DUSP22: variants seen among roughly 807,000 people sequenced by gnomAD.
The protein encoded by DUSP22 is dual specificity protein phosphatase 22.
Under a neutral mutation model 24.5 loss-of-function variants are expected in DUSP22, and 24 were observed. That is an observed-to-expected ratio of 0.98 (90% confidence interval 0.71 to 1.38). DUSP22 has a LOEUF of 1.38. Ranked by LOEUF, DUSP22 falls within the 40% of genes most tolerant of loss-of-function variation. The probability of loss-of-function intolerance (pLI) is 0.00; values close to 1 mark genes in which losing one functional copy is unlikely to be tolerated. For missense variants in DUSP22, 330 were observed against 269.2 expected (o/e 1.23, Z -1.58); for synonymous variants, 160 against 106.4 (o/e 1.50, Z -3.10).
chr6:319,618 G>T (rs1401849307), intron 3 of DUSP22, among the ~76,000 whole-genome samples: 2 of 152,304 alleles, frequency 1.3e-5, no homozygotes, highest in Admixed American at 1.3e-4. Flanking sequence ...TCCCATTTGC[G>T]TTGGCCATTG....
chr6:297,835 A>AT (rs1244457106), intron 1 of DUSP22, among the ~76,000 whole-genome samples: 1 of 152,302 alleles, frequency 6.6e-6, no homozygotes, highest in African/African-American at 2.4e-5. Flanking sequence ...TGCTAAATCC[A>AT]TTTTTTCCAC....
intron 4 of DUSP22, among the ~76,000 whole-genome samples, chr6:337,338 G>A (rs542397375): frequency 8.4e-4 from 128 of 152,380 alleles, no homozygotes; most frequent in African/African-American, 2.9e-3. Flanking sequence ...TGTATGTGAA[G>A]GTGTTTTCTG....
Position 351,021 on chromosome 6 carries a change from G to A in DUSP22, c.*2070G>A, listed in dbSNP as rs1760186952. 1.8e-6 allele frequency: 2 copies of A among 1,129,764 alleles called. No individual in the cohort carries two copies. Among genetic ancestry groups the A allele is most frequent in the African/African-American group, 1.6e-5 (1 of 64,512 alleles). 70.0% of individuals were successfully genotyped at this position (1,129,764 alleles called of 1,614,324 possible). ...ATATACGTAGTCATGTTTATGTTGAGAACTAAGGATATTCTTTAGCAAGAG... is the reference window on the plus strand; with the variant it reads ...ATATACGTAGTCATGTTTATGTTGAAAACTAAGGATATTCTTTAGCAAGAG... On this transcript the variant is annotated 3_prime_UTR_variant, in exon 7 of 7. Transcript: ENST00000419235.
In DUSP22 at chr6:348,168, G is replaced by A. The variant is rs1759978117; in HGVS notation, c.329G>A (p.Gly110Asp). Residue 110 changes from glycine to aspartate, a missense_variant, in exon 6 of 7, where the codon GGC becomes GAC. By Grantham distance (94) the Gly-to-Asp change is moderately conservative. Transcript: ENST00000419235. ...TACATCATGACCGTCACTGACTTTG[G>A]CTGGGAGGATGCCCTGCACACCGTG... ...IAYIMTVTDF[G>D]WEDALHTVRA... 6.2e-7 allele frequency: 1 copy of A among 1,614,304 alleles called. No individual in the cohort carries two copies. The highest frequency in any genetic ancestry group is 8.5e-7 in the Non-Finnish European group (1 of 1,180,060).
intron 2 of DUSP22, among the ~76,000 whole-genome samples, chr6:306,206 T>C (rs529947492): frequency 6.6e-6 from 1 of 152,424 alleles, no homozygotes; most frequent in African/African-American, 2.4e-5. Flanking sequence ...AGGGAGTGTC[T>C]TTGAGAACAG....
chr6:307,338 C>T (rs1002149715), intron 2 of DUSP22, among the ~76,000 whole-genome samples: 1 of 152,300 alleles, frequency 6.6e-6, no homozygotes, highest in Non-Finnish European at 1.5e-5. Context: ...CCCTCCCTCC[C>T]TTCCTTCTCC....
intron 3 of DUSP22, among the ~76,000 whole-genome samples, chr6:329,173 T>C (rs1242555658): frequency 6.6e-6 from 1 of 152,428 alleles, no homozygotes; most frequent in East Asian, 1.9e-4. Context: ...GGTTCCTGAT[T>C]GCCATCTCCT....
chr6:311,628 C>G (rs577403887), intron 2 of DUSP22, among the ~76,000 whole-genome samples: 1 of 152,180 alleles, frequency 6.6e-6, no homozygotes, highest in Non-Finnish European at 1.5e-5. Context: ...TGCAGTGAGC[C>G]GAGATGGCGC....
In DUSP22 at chr6:292,490, G is replaced by C. The variant is rs532521739; in HGVS notation, c.-50G>C. The C allele has an allele frequency of 1.9e-6, 3 of 1,598,108 alleles. No individual in the cohort carries two copies. Among genetic ancestry groups the C allele is most frequent in the South Asian group, 1.1e-5 (1 of 89,688 alleles). On this transcript the variant is annotated 5_prime_UTR_variant, in exon 1 of 7. Coordinates refer to ENST00000419235, the MANE Select transcript of DUSP22 (RefSeq NM_001286555.3). ...CTCCTCCTCCCTGTAACATGCCATA[G>C]TGCGCCTGCGACCACACGGCCGGGG... is the stretch of plus-strand genomic sequence containing the variant.
intron 3 of DUSP22, among the ~76,000 whole-genome samples, chr6:330,596 C>A (rs1401708394): frequency 1.3e-5 from 2 of 152,304 alleles, no homozygotes; most frequent in Non-Finnish European, 2.9e-5. Flanking sequence ...TAGTTTCAGG[C>A]CCAAAGAAAG....
At chr6:330,166 G>A (rs543363657) in intron 3 of DUSP22, among the ~76,000 whole-genome samples, 23 of 152,416 alleles carry the variant, frequency 1.5e-4, no homozygotes, top group African/African-American at 3.8e-4. Flanking sequence ...CACTGCTGCC[G>A]CACAGGCTGA....
At chr6:296,436 G>A (rs140879901) in intron 1 of DUSP22, among the ~76,000 whole-genome samples, 2,218 of 151,598 alleles carry the variant, frequency 0.015, 1 homozygote, top group African/African-American at 0.051. Flanking sequence ...AGTCTGGCTC[G>A]GCCACAATGC....
At chr6:293,417 A>T (rs564319916) in intron 1 of DUSP22, among the ~76,000 whole-genome samples, 4 of 152,290 alleles carry the variant, frequency 2.6e-5, no homozygotes, top group Non-Finnish European at 5.9e-5. Context: ...AAGACTTTAC[A>T]AAGCCCGCAA....
At chr6:344,725 G>A (rs1304983846) in intron 4 of DUSP22, among the ~76,000 whole-genome samples, 1 of 152,304 alleles carries the variant, frequency 6.6e-6, no homozygotes, top group African/African-American at 2.4e-5. Context: ...TGGCAAAGAG[G>A]GATTGGAGCC....
chr6:349,283 A>G lies in DUSP22; in HGVS notation c.*332A>G. The stretch of plus-strand genomic sequence containing the variant: ...TGCCTGTGTGAGTGAGGGTATGTGC[A>G]CCTAAGTGTGTACATGTGTGTATGT... On this transcript the variant is annotated 3_prime_UTR_variant, in exon 7 of 7. Coordinates refer to ENST00000419235, the MANE Select transcript of DUSP22 (RefSeq NM_001286555.3). 1 of 1,283,060 alleles carries G rather than the reference A, an allele frequency of 7.8e-7. No individual in the cohort carries two copies. The highest frequency in any genetic ancestry group is 9.9e-7 in the Non-Finnish European group (1 of 1,006,996). 79.5% of individuals were successfully genotyped at this position (1,283,060 alleles called of 1,614,324 possible).
chr6:346,643 G>A (rs1310268930), intron 5 of DUSP22, among the ~76,000 whole-genome samples: 1 of 152,312 alleles, frequency 6.6e-6, no homozygotes, highest in African/African-American at 2.4e-5. Flanking sequence ...AGGAGCCAAG[G>A]CTCTGTTGTC....
rs1757741179 is a variant in DUSP22, at chr6:304,659, A to G, written c.53A>G (p.Lys18Arg). 5 of 1,614,114 alleles carry G rather than the reference A, an allele frequency of 3.1e-6. No individual in the cohort carries two copies. The highest frequency in any genetic ancestry group is 1.7e-5 in the Admixed American group (1 of 60,018). The part of the protein sequence containing the change: ...ILPGLYIGNF[K>R]DARDAEQLSK... Reference sequence around the variant, plus strand: ...CCCGGCCTGTACATCGGCAACTTCAAAGGTGAGTTCTTGCTTTTTTATTGT... The same window carrying G: ...CCCGGCCTGTACATCGGCAACTTCAGAGGTGAGTTCTTGCTTTTTTATTGT... The change falls in exon 2 of 7, where the codon AAA (lysine) becomes AGA (arginine). Residue 18 changes from lysine (K) to arginine (R), a missense_variant and splice_region_variant. Lys to Arg is a conservative substitution (Grantham distance 26, BLOSUM62 2). Coordinates refer to ENST00000419235, the MANE Select transcript of DUSP22 (RefSeq NM_001286555.3).
chr6:295,085 AAAG>A (rs1455435607), intron 1 of DUSP22, among the ~76,000 whole-genome samples: 2 of 152,080 alleles, frequency 1.3e-5, no homozygotes, highest in African/African-American at 4.8e-5. Flanking sequence ...ATCTGTAAAA[AAAG>A]AAGAATGGTT....
Position 330,758 on chromosome 6 carries a change from C to T in DUSP22, c.139-4356C>T, listed in dbSNP as rs553726640. ...CTGAACTTTCTTCTCCTCCAAGTGA[C>T]GTCTGTTGTTTCTTTCAAAACCTAA... On this transcript the variant is annotated intron_variant, in intron 3 of 6. Coordinates refer to ENST00000419235, the MANE Select transcript of DUSP22 (RefSeq NM_001286555.3). Among the ~76,000 whole-genome samples the T allele has an allele frequency of 2.4e-4, 37 of 152,390 alleles. No individual in the cohort carries two copies. The South Asian group carries it at 2.9e-3, about 12-fold the overall frequency.
Sources: gnomAD v4.1 joint callset for allele counts (sites outside exome capture counted in the v4.1 genomes callset) on GRCh38, gnomAD v4.1.1 for gene constraint, MANE v1.5 for transcripts, NCBI Gene and HGNC (gene_info 2026-07-23, HGNC 2026-07-21) for gene names.